SOS1: variants seen among roughly 807,000 people sequenced by gnomAD.
SOS1 encodes the protein son of sevenless homolog 1.
SOS1 carries 25 observed loss-of-function variants against 157.6 expected under a neutral mutation model. The observed-to-expected ratio is 0.16, with a 90% CI of 0.12 to 0.22. SOS1 has a LOEUF of 0.22. SOS1 is among the 10% of genes least tolerant of loss of function. The probability of loss-of-function intolerance (pLI) is 1.00; values close to 1 mark genes in which losing one functional copy is unlikely to be tolerated. For missense variants in SOS1, 1,237 were observed against 1,599.1 expected (o/e 0.77, Z 3.86); for synonymous variants, 528 against 534.0 (o/e 0.99, Z 0.16).
At chr2:39,033,915 C>T (rs1232468741) in intron 8 of SOS1, among the ~76,000 whole-genome samples, 1 of 150,830 alleles carries the variant, frequency 6.6e-6, no homozygotes, top group Non-Finnish European at 1.5e-5. Context: ...TCATTACAGG[C>T]TCAGGTTAAA....
chr2:39,066,365 G>A (rs140592209), intron 2 of SOS1, among the ~76,000 whole-genome samples: 1 of 152,284 alleles, frequency 6.6e-6, no homozygotes, highest in East Asian at 1.9e-4. Flanking sequence ...GAAACCCAAA[G>A]ATTTGAAGTA....
chr2:39,066,685 G>C (rs144426270), intron 2 of SOS1, among the ~76,000 whole-genome samples: 1 of 152,034 alleles, frequency 6.6e-6, no homozygotes, highest in Non-Finnish European at 1.5e-5. Context: ...AAAAAGACAA[G>C]GGCCATATCA....
intron 1 of SOS1, among the ~76,000 whole-genome samples, chr2:39,076,833 A>G (rs1175220323): frequency 6.6e-6 from 1 of 152,196 alleles, no homozygotes; most frequent in Non-Finnish European, 1.5e-5. Context: ...AACTGTTATT[A>G]TTTGCAGGTA....
chr2:39,092,833 A>C (rs1672640657), intron 1 of SOS1, among the ~76,000 whole-genome samples: 1 of 152,238 alleles, frequency 6.6e-6, no homozygotes, highest in Non-Finnish European at 1.5e-5. Flanking sequence ...GAAAGCTCTA[A>C]ATTAGTTGTA....
intron 1 of SOS1, among the ~76,000 whole-genome samples, chr2:39,070,504 C>A (rs1414196373): frequency 1.3e-5 from 2 of 152,280 alleles, no homozygotes; most frequent in African/African-American, 4.8e-5. Flanking sequence ...CCCTAAGTAA[C>A]CTCATTTACT....
At chr2:39,119,783 A>G (rs893851046) in intron 1 of SOS1, among the ~76,000 whole-genome samples, 11 of 152,230 alleles carry the variant, frequency 7.2e-5, no homozygotes, top group Admixed American at 3.9e-4. Context: ...TGAAATTGGT[A>G]GCATGTGCAC....
chr2:39,016,750 A>G (rs1669645982), intron 10 of SOS1, among the ~76,000 whole-genome samples: 1 of 152,138 alleles, frequency 6.6e-6, no homozygotes, highest in Non-Finnish European at 1.5e-5. Flanking sequence ...CTAAAAATCT[A>G]AAATCAACAC....
intron 2 of SOS1, among the ~76,000 whole-genome samples, chr2:39,059,763 G>A (rs990913623): frequency 5.3e-5 from 8 of 151,988 alleles, no homozygotes; most frequent in Admixed American, 2.0e-4. Flanking sequence ...AATGATTCTT[G>A]GAAATCTTAA....
At chr2:39,103,194 T>A (rs1044377107) in intron 1 of SOS1, among the ~76,000 whole-genome samples, 1 of 152,176 alleles carries the variant, frequency 6.6e-6, no homozygotes, top group African/African-American at 2.4e-5. Flanking sequence ...TTCTGAGTTA[T>A]TGAGTAGGAA....
chr2:39,103,626 A>T (rs976320200), intron 1 of SOS1, among the ~76,000 whole-genome samples: 12 of 152,186 alleles, frequency 7.9e-5, no homozygotes, highest in African/African-American at 2.9e-4. Flanking sequence ...ACTCATACCA[A>T]ACACAAAAAT....
At chr2:39,101,346 C>T (rs1032155367) in intron 1 of SOS1, among the ~76,000 whole-genome samples, 1 of 152,126 alleles carries the variant, frequency 6.6e-6, no homozygotes, top group East Asian at 1.9e-4. Flanking sequence ...AACACTGAGA[C>T]GTGAGATTGG....
In SOS1 at chr2:38,988,620, A is replaced by G. The variant is rs908852435; in HGVS notation, c.3391+650T>C. ...ATTTTGATCACCTACCTTTTTTCTT[A>G]AGAATATAGTTAATTCAGCTTGTAA... On this transcript the variant is annotated intron_variant, in intron 21 of 22. Coordinates refer to ENST00000402219, the MANE Select transcript of SOS1 (RefSeq NM_005633.4). Among the ~76,000 whole-genome samples, 4 of 151,688 alleles carry G rather than the reference A, an allele frequency of 2.6e-5. No homozygotes were observed. The Admixed American group carries it at 2.7e-4, about 10-fold the overall frequency.
chr2:39,082,969 T>A (rs749798267), intron 1 of SOS1, among the ~76,000 whole-genome samples: 3 of 152,152 alleles, frequency 2.0e-5, no homozygotes, highest in Non-Finnish European at 4.4e-5. Context: ...TAGTAAGGCT[T>A]TGGGGAGCTG....
chr2:39,116,288 G>A (rs1329741603), intron 1 of SOS1, among the ~76,000 whole-genome samples: 1 of 152,142 alleles, frequency 6.6e-6, no homozygotes, highest in Non-Finnish European at 1.5e-5. Context: ...AGACAATCAA[G>A]TCAGAAACAA....
chr2:39,073,329 T>C (rs1671851132), intron 1 of SOS1, among the ~76,000 whole-genome samples: 1 of 152,208 alleles, frequency 6.6e-6, no homozygotes, highest in African/African-American at 2.4e-5. Flanking sequence ...AAACATCAAT[T>C]ACTTTTGCAC....
chr2:39,113,769 G>A (rs542589205), intron 1 of SOS1, among the ~76,000 whole-genome samples: 2 of 152,244 alleles, frequency 1.3e-5, no homozygotes, highest in Admixed American at 1.3e-4. Flanking sequence ...TTCTCTATTA[G>A]CTCCTTCCTC....
Position 39,023,077 on chromosome 2 carries a change from T to A in SOS1, c.1351A>T (p.Thr451Ser). 6.2e-7 allele frequency: 1 copy of A among 1,613,748 alleles called. No homozygotes were observed. Among genetic ancestry groups the A allele is most frequent in the Non-Finnish European group, 8.5e-7 (1 of 1,179,722 alleles). ...CTCTCATGTTTGGCTCCTACACGTGTAAGAGTTCCTTCCATTATAAATTCA... is the reference window on the plus strand; with the variant it reads ...CTCTCATGTTTGGCTCCTACACGTGAAAGAGTTCCTTCCATTATAAATTCA... ...CNEFIMEGTL[T>S]RVGAKHERHI... The change falls in exon 10 of 23, where the codon ACA becomes TCA. Residue 451 changes from threonine (T) to serine (S), a missense_variant. Thr to Ser is a moderately conservative substitution (Grantham distance 58, BLOSUM62 1). Transcript: ENST00000402219.
chr2:39,080,407 C>T (rs1413730879), intron 1 of SOS1, among the ~76,000 whole-genome samples: 2 of 152,124 alleles, frequency 1.3e-5, no homozygotes, highest in East Asian at 1.9e-4. Context: ...TCCTGCTGTG[C>T]GGCCTGGTTC....
chr2:39,114,423 C>T (rs1385236350), intron 1 of SOS1, among the ~76,000 whole-genome samples: 1 of 152,104 alleles, frequency 6.6e-6, no homozygotes, highest in Non-Finnish European at 1.5e-5. Flanking sequence ...CCTGCCTCAG[C>T]CTCCTGAGTA....
Sources: gnomAD v4.1 joint callset for allele counts (sites outside exome capture counted in the v4.1 genomes callset) on GRCh38, gnomAD v4.1.1 for gene constraint, MANE v1.5 for transcripts, NCBI Gene and HGNC (gene_info 2026-07-23, HGNC 2026-07-21) for gene names.